MAP7: variants seen among roughly 807,000 people sequenced by gnomAD.
The protein encoded by MAP7 is ensconsin.
Under a neutral mutation model 94.8 loss-of-function variants are expected in MAP7, and 52 were observed. The observed-to-expected ratio is 0.55, with a 90% CI of 0.44 to 0.69. MAP7 has a LOEUF of 0.69. Among genes scored for constraint, MAP7 ranks in the 30% least tolerant of loss-of-function variants. MAP7 has a pLI of 0.00. For missense variants in MAP7, 940 were observed against 964.6 expected, an observed-to-expected ratio of 0.97 and a Z score of 0.34; for synonymous variants, 350 against 357.0, an observed-to-expected ratio of 0.98 and a Z score of 0.22.
At chr6:136,346,238 T>C (rs1787667428) in intron 16 of MAP7, among the ~76,000 whole-genome samples, 159 bp from the exon 17 acceptor site, 1 of 151,944 alleles carries the variant, frequency 6.6e-6, no homozygotes, top group Non-Finnish European at 1.5e-5. Context: ...AAATAATAAA[T>C]TGTGGTGTAT....
intron 1 of MAP7, among the ~76,000 whole-genome samples, chr6:136,522,342 T>C (rs774675396): frequency 5.9e-5 from 9 of 152,020 alleles, no homozygotes; most frequent in Non-Finnish European, 5.9e-5. Flanking sequence ...GAGTAATCAC[T>C]CCTTCAAGAA....
intron 1 of MAP7, among the ~76,000 whole-genome samples, chr6:136,468,491 A>T (rs753513001): frequency 6.6e-6 from 1 of 152,204 alleles, no homozygotes; most frequent in Non-Finnish European, 1.5e-5. Context: ...TAAGCCCATT[A>T]TAAGTTAAAA....
At chr6:136,478,889 T>A (rs190092349) in intron 1 of MAP7, among the ~76,000 whole-genome samples, 1 of 148,870 alleles carries the variant, frequency 6.7e-6, no homozygotes, top group Non-Finnish European at 1.5e-5. Context: ...ATGCTAATCC[T>A]ACTCAAATTT....
chr6:136,510,910 T>C (rs1281011334), intron 1 of MAP7, among the ~76,000 whole-genome samples: 1 of 151,716 alleles, frequency 6.6e-6, no homozygotes, highest in African/African-American at 2.4e-5. Context: ...TAGCATAGGG[T>C]AGGGAGCAAA....
intron 1 of MAP7, among the ~76,000 whole-genome samples, chr6:136,447,888 C>G (rs879922865): frequency 2.0e-5 from 3 of 152,154 alleles, no homozygotes; most frequent in Non-Finnish European, 4.4e-5. Context: ...TTTGGCCAAA[C>G]AGCTTCAAAA....
intron 1 of MAP7, among the ~76,000 whole-genome samples, chr6:136,445,155 AGTTGCAGAAAGGCC>A: frequency 6.6e-6 from 1 of 152,190 alleles, no homozygotes; most frequent in South Asian, 2.1e-4. Flanking sequence ...TTGAGAAACT[AGTTGCAGAAAGGCC>A]TTTCTGATCT....
chr6:136,492,556 C>T (rs1816943994), intron 1 of MAP7, among the ~76,000 whole-genome samples: 1 of 152,154 alleles, frequency 6.6e-6, no homozygotes. Flanking sequence ...TTACATTTCT[C>T]TGTTGTCTGG....
chr6:136,527,141 C>T (rs1327405548), intron 1 of MAP7, among the ~76,000 whole-genome samples: 1 of 152,212 alleles, frequency 6.6e-6, no homozygotes, highest in East Asian at 1.9e-4. Flanking sequence ...GAGCAATGCT[C>T]AACACTTGAC....
chr6:136,411,215 G>A (rs1295291440), intron 3 of MAP7, among the ~76,000 whole-genome samples: 2 of 152,188 alleles, frequency 1.3e-5, no homozygotes, highest in Non-Finnish European at 1.5e-5. Context: ...CCTGGCAGCA[G>A]CCTGGTAGCA....
chr6:136,444,752 A>G (rs1442923992), intron 1 of MAP7, among the ~76,000 whole-genome samples: 1 of 152,230 alleles, frequency 6.6e-6, no homozygotes, highest in Non-Finnish European at 1.5e-5. Flanking sequence ...CTGCTATCTA[A>G]TTATTGTCAG....
intron 1 of MAP7, among the ~76,000 whole-genome samples, chr6:136,518,579 A>G (rs1207100644): frequency 6.6e-6 from 1 of 152,216 alleles, no homozygotes; most frequent in Non-Finnish European, 1.5e-5. Context: ...AAGGTGCAAC[A>G]TAAAGTGGGC....
intron 3 of MAP7, among the ~76,000 whole-genome samples, chr6:136,390,413 G>A (rs1009103705): frequency 6.6e-6 from 1 of 152,186 alleles, no homozygotes; most frequent in Non-Finnish European, 1.5e-5. Flanking sequence ...AGCACTTTGG[G>A]AGGCTGAGGG....
chr6:136,385,417 C>T (rs1015492723), intron 5 of MAP7, among the ~76,000 whole-genome samples: 1 of 152,152 alleles, frequency 6.6e-6, no homozygotes, highest in Admixed American at 6.5e-5. Context: ...AAGAGGAATA[C>T]GAAAGTCATT....
intron 1 of MAP7, among the ~76,000 whole-genome samples, chr6:136,457,690 G>A (rs1385667977): frequency 1.3e-5 from 2 of 151,418 alleles, no homozygotes; most frequent in Admixed American, 6.6e-5. Flanking sequence ...ACAGAATGAA[G>A]GATTAAAAAA....
At chr6:136,450,055 G>T (rs997332199) in intron 1 of MAP7, among the ~76,000 whole-genome samples, 4 of 152,160 alleles carry the variant, frequency 2.6e-5, no homozygotes, top group Non-Finnish European at 5.9e-5. Context: ...TGAGCATGGA[G>T]GTGCATGCCT....
At chr6:136,512,581 T>C (rs1045264017) in intron 1 of MAP7, among the ~76,000 whole-genome samples, 1 of 152,218 alleles carries the variant, frequency 6.6e-6, no homozygotes, top group Non-Finnish European at 1.5e-5. Flanking sequence ...TCACACACAT[T>C]TTTTGGTTTC....
chr6:136,519,713 C>T (rs1013118261), intron 1 of MAP7, among the ~76,000 whole-genome samples: 1 of 152,146 alleles, frequency 6.6e-6, no homozygotes, highest in African/African-American at 2.4e-5. Context: ...CGGGGGAGTA[C>T]AGTTTCTCAG....
At chr6:136,369,435 G>A (rs1285612976) in intron 8 of MAP7, among the ~76,000 whole-genome samples, 3 of 152,150 alleles carry the variant, frequency 2.0e-5, no homozygotes, top group Admixed American at 1.3e-4. Context: ...TTAGATGGGC[G>A]TGGTAGCACA....
At chr6:136,455,792 C>A (rs1008480656) in intron 1 of MAP7, among the ~76,000 whole-genome samples, 2 of 152,130 alleles carry the variant, frequency 1.3e-5, no homozygotes, top group Non-Finnish European at 2.9e-5. Context: ...CACTGAGAAT[C>A]AGCAGACTCA....
Sources: gnomAD v4.1 joint callset for allele counts (sites outside exome capture counted in the v4.1 genomes callset) on GRCh38, gnomAD v4.1.1 for gene constraint, MANE v1.5 for transcripts, NCBI Gene and HGNC (gene_info 2026-07-23, HGNC 2026-07-21) for gene names.